Variants in SP110 observed in about 807,000 individuals in gnomAD.
SP110 encodes the protein interferon-induced protein 41, 30kD.
A neutral mutation model predicts 92.7 loss-of-function variants in SP110; 62 were observed. That is an observed-to-expected ratio of 0.67 (90% CI 0.55 to 0.83). SP110 has a LOEUF of 0.83. Among genes scored for constraint, SP110 ranks in the 40% least tolerant of loss-of-function variants. The pLI, the probability that SP110 is intolerant of heterozygous loss-of-function variation, is 0.00. For missense variants in SP110, 793 were observed against 863.9 expected, an observed-to-expected ratio of 0.92 and a Z score of 1.03; for synonymous variants, 273 against 305.3, an observed-to-expected ratio of 0.89 and a Z score of 1.10.
upstream of SP110, among the ~76,000 whole-genome samples, chr2:230,221,370 A>G (rs1311834464): frequency 2.0e-5 from 3 of 152,236 alleles, no homozygotes; most frequent in African/African-American, 7.2e-5. Flanking sequence ...CTACCAGGAC[A>G]TCCACAAACT....
Position 230,177,590 on chromosome 2 carries a change from T to C in SP110, c.1538A>G (p.Asn513Ser). 2 of 1,614,128 alleles carry C rather than the reference T, an allele frequency of 1.2e-6. No homozygotes were observed. The highest frequency in any genetic ancestry group is 1.7e-6 in the Non-Finnish European group (2 of 1,179,946). The change falls in exon 14 of 19, where the codon AAC (asparagine) becomes AGC (serine). Residue 513 changes from asparagine (N) to serine (S), a missense_variant. Asn to Ser is a conservative substitution (Grantham distance 46). Transcript: ENST00000258381. ...TTCACAACGTATATTCCGTTTCCAG[T>C]TCTTTGCGTTCCTTCCTTTTCCTTC... ...EVEGKGRNAKNWKRNIRCEGM... is the reference protein window; with the variant it reads ...EVEGKGRNAKSWKRNIRCEGM...
chr2:230,182,788 A>T (rs577157150), intron 12 of SP110, among the ~76,000 whole-genome samples: 21 of 152,290 alleles, frequency 1.4e-4, no homozygotes, highest in African/African-American at 5.1e-4. Flanking sequence ...CTGCAAGCAC[A>T]TACACCAGTG....
At chr2:230,192,556 AC>A (rs2042685086) in intron 10 of SP110, among the ~76,000 whole-genome samples, 1 of 152,166 alleles carries the variant, frequency 6.6e-6, no homozygotes, top group African/African-American at 2.4e-5. Flanking sequence ...AGAATAAAAT[AC>A]CTAGGAATAC....
intron 10 of SP110, among the ~76,000 whole-genome samples, chr2:230,186,583 C>T (rs1051198447): frequency 6.6e-6 from 1 of 152,102 alleles, no homozygotes; most frequent in Non-Finnish European, 1.5e-5. Flanking sequence ...ATGGCAAAAT[C>T]TGAGACTTTA....
At chr2:230,191,200 A>G (rs2042616408) in intron 10 of SP110, among the ~76,000 whole-genome samples, 1 of 152,180 alleles carries the variant, frequency 6.6e-6, no homozygotes, top group Non-Finnish European at 1.5e-5. Context: ...AAAGATCTCA[A>G]ATGGACACCC....
At chr2:230,212,520 A>C in intron 4 of SP110, 90 bp from the exon 5 acceptor site, 1 of 1,147,982 alleles carries the variant, frequency 8.7e-7, no homozygotes. Context: ...CAGATAGAGC[A>C]TCAAGGCACA....
intron 10 of SP110, among the ~76,000 whole-genome samples, chr2:230,195,294 T>C (rs2042819259): frequency 6.6e-6 from 1 of 152,142 alleles, no homozygotes; most frequent in African/African-American, 2.4e-5. Context: ...TGAATAAAGA[T>C]GGATCAGGAA....
At chr2:230,198,132 T>TTTGTAGGG (rs752367099) in intron 10 of SP110, among the ~76,000 whole-genome samples, 22,454 of 152,332 alleles carry the variant, frequency 0.15, 2,015 homozygotes, top group South Asian at 0.27. Flanking sequence ...CTGGAAGTCC[T>TTTGTAGGG]CTGTAGGGCC....
chr2:230,214,494 T>C (rs994511060), intron 3 of SP110, among the ~76,000 whole-genome samples: 8 of 152,206 alleles, frequency 5.3e-5, no homozygotes, highest in Non-Finnish European at 1.0e-4. Flanking sequence ...TAAAAATGAC[T>C]TCAAAGGGTT....
chr2:230,217,029 T>G, intron 1 of SP110, 101 bp from the exon 2 acceptor site: 1 of 897,210 alleles, frequency 1.1e-6, no homozygotes, highest in Non-Finnish European at 1.8e-6. Context: ...GTGGATCACC[T>G]GAGGTCAAGA....
chr2:230,212,333 C>G lies in SP110; in HGVS notation c.667+14G>C, dbSNP rs1233197623. The stretch of plus-strand genomic sequence containing the variant: ...CACCTTGAGCTAAGCGGTATCAGCC[C>G]CAGTCAGTGTTACCTTGCACAGTGC... On this transcript the variant is annotated intron_variant, in intron 5 of 18. Transcript: ENST00000258381. 1.3e-6 allele frequency: 2 copies of G among 1,590,662 alleles called. No homozygotes were observed. Among genetic ancestry groups the G allele is most frequent in the African/African-American group, 1.3e-5 (1 of 74,596 alleles).
Position 230,200,958 on chromosome 2 carries a change from A to G in SP110, c.1056T>C (p.Ile352=), listed in dbSNP as rs749437023. The G allele has an allele frequency of 5.6e-6, 9 of 1,612,712 alleles. No homozygotes were observed. In the East Asian group the frequency reaches 1.8e-4, roughly 32 times the overall value. The part of the protein sequence containing the change: ...CARKSRSEEI[I]DGTSEMNEGK... The stretch of plus-strand genomic sequence containing the variant: ...CTTCATTCATTTCTGAAGTGCCATC[A>G]ATGATCTCTGGAAAATGAAAGATCT... Residue 352 remains isoleucine, a synonymous_variant, in exon 10 of 19, where the codon ATT becomes ATC. Coordinates refer to ENST00000258381, the MANE Select transcript of SP110 (RefSeq NM_080424.4).
chr2:230,200,817 G>A, intron 10 of SP110, 68 bp downstream of exon 10: 5 of 1,197,066 alleles, frequency 4.2e-6, no homozygotes, highest in Non-Finnish European at 6.3e-6. Context: ...TATTGCCTCA[G>A]TGTAAGACAG....
In SP110 at chr2:230,206,745, G is replaced by A. The variant is rs181013101; in HGVS notation, c.898+1246C>T. ...GCCCTAGTCCCGGAGACACAGAAAT[G>A]TATGCAATATAAATATAGGAAATAC... is the stretch of plus-strand genomic sequence containing the variant. On this transcript the variant is annotated intron_variant, in intron 8 of 18. Coordinates refer to ENST00000258381, the MANE Select transcript of SP110 (RefSeq NM_080424.4). Among the ~76,000 whole-genome samples the A allele has an allele frequency of 3.3e-3, 498 of 150,616 alleles. 3 individuals are homozygous for A. Among genetic ancestry groups the A allele is most frequent in the African/African-American group, 0.012 (475 of 41,060 alleles).
chr2:230,200,909 T>C lies in SP110; in HGVS notation c.1105A>G (p.Ser369Gly), dbSNP rs199620617. Residue 369 changes from serine (S) to glycine (G), a missense_variant, in exon 10 of 19, where the codon AGT becomes GGT. Transcript: ENST00000258381. ...NEGKRSQKTP[S>G]TPRRVTQGAA... Reference sequence around the variant, plus strand: ...CCTTGTGTGACCCTTCGTGGTGTACTAGGCGTCTTCTGGGACCTCTTTCCT... The same window carrying C: ...CCTTGTGTGACCCTTCGTGGTGTACCAGGCGTCTTCTGGGACCTCTTTCCT... 1.2e-6 allele frequency: 2 copies of C among 1,613,600 alleles called. No homozygotes were observed. Among genetic ancestry groups the C allele is most frequent in the African/African-American group, 2.7e-5 (2 of 74,936 alleles).
chr2:230,172,072 G>A lies in SP110; in HGVS notation c.1809C>T (p.Asp603=). The change falls in exon 16 of 19, where the codon GAC becomes GAT. Residue 603 remains aspartate (D), a synonymous_variant. Coordinates refer to ENST00000258381, the MANE Select transcript of SP110 (RefSeq NM_080424.4). ...GGGTTTGCATCCAACTCACCAGCTG[G>A]TCCTGAGGCTGCATCTGCCTCTCCA... is the stretch of plus-strand genomic sequence containing the variant. ...KTLERQMQPQ[D]QLKCEFLLLK... 3 of 1,593,198 alleles carry A rather than the reference G, an allele frequency of 1.9e-6. No individual in the cohort carries two copies. The highest frequency in any genetic ancestry group is 2.6e-6 in the Non-Finnish European group (3 of 1,160,738).
rs2078302668 is a variant in SP110 at position 230,165,844 on chromosome 2, C to A, written c.*3280G>T. On this transcript the variant is annotated 3_prime_UTR_variant, in exon 19 of 19. Transcript: ENST00000258381. ...AAAATAGACAAAAATAACATTAAAA[C>A]ATTAAAAAGAGAAATATTAAAATAT... Among the ~76,000 whole-genome samples the A allele has an allele frequency of 6.7e-6, 1 of 150,172 alleles. No individual in the cohort carries two copies. The highest frequency in any genetic ancestry group is 1.5e-5 in the Non-Finnish European group (1 of 67,628).
chr2:230,186,495 A>C (rs936856571), intron 10 of SP110, among the ~76,000 whole-genome samples: 63 of 151,806 alleles, frequency 4.2e-4, no homozygotes, highest in Admixed American at 2.7e-3. Context: ...TATTAAATGT[A>C]TTTTTCTTTT....
upstream of SP110, among the ~76,000 whole-genome samples, chr2:230,224,745 G>T (rs1393180023): frequency 6.6e-6 from 1 of 152,172 alleles, no homozygotes; most frequent in Non-Finnish European, 1.5e-5. Flanking sequence ...CACATGTTTT[G>T]GAAAAATACT....
Sources: allele counts gnomAD v4.1 joint callset (sites outside exome capture counted in the v4.1 genomes callset), GRCh38; gene constraint gnomAD v4.1.1; transcripts MANE v1.5; gene names NCBI Gene and HGNC (gene_info 2026-07-23, HGNC 2026-07-21).